Variants in IL1RN observed in about 807,000 individuals in gnomAD.
IL1RN encodes interleukin-1 receptor antagonist protein.
IL1RN carries 10 observed loss-of-function variants against 13.7 expected under a neutral mutation model. That is an observed-to-expected ratio of 0.73 (90% confidence interval 0.45 to 1.24). The LOEUF (loss-of-function observed/expected upper bound fraction) is 1.24, where lower values mean the gene tolerates loss of function less well. Among genes scored for constraint, IL1RN ranks in the 50% most tolerant of loss-of-function variants. The pLI is 0.00. For missense variants in IL1RN, 213 were observed against 222.1 expected, an observed-to-expected ratio of 0.96 and a Z score of 0.26; for synonymous variants, 102 against 82.7, an observed-to-expected ratio of 1.23 and a Z score of -1.27.
chr2:113,126,956 A>AG (rs1686982500), upstream of IL1RN, among the ~76,000 whole-genome samples: 1 of 152,238 alleles, frequency 6.6e-6, no homozygotes, highest in Admixed American at 6.5e-5. Flanking sequence ...ACTTTACATC[A>AG]GGGGTCAGCA....
upstream of IL1RN, among the ~76,000 whole-genome samples, chr2:113,117,207 G>A (rs1573283064): frequency 2.0e-5 from 3 of 152,200 alleles, no homozygotes; most frequent in Admixed American, 6.5e-5. Flanking sequence ...ACAATGTCAC[G>A]GCAGAGGCCA....
At chr2:113,129,432 G>A (rs373384552) in intron 1 of IL1RN, 144 bp from the exon 2 acceptor site, 1 of 706,094 alleles carries the variant, frequency 1.4e-6, no homozygotes, top group Non-Finnish European at 2.6e-6. Flanking sequence ...TCTCATCCAT[G>A]CATGCCGTGG....
At chr2:113,118,021 G>T in exon 1 of IL1RN, 1 of 1,596,068 alleles carries the variant, frequency 6.3e-7, no homozygotes, top group Admixed American at 1.7e-5. Context: ...CCCTCCCCAT[G>T]GCTTTAGGTA....
chr2:113,118,546 G>A (rs139019207), intron 1 of IL1RN, among the ~76,000 whole-genome samples: 50 of 152,226 alleles, frequency 3.3e-4, no homozygotes, highest in South Asian at 1.0e-3. Flanking sequence ...AGAACTTCTC[G>A]CTTTTCCAGA....
chr2:113,117,966 G>C, exon 1 of IL1RN: 1 of 1,078,388 alleles, frequency 9.3e-7, no homozygotes, highest in Non-Finnish European at 1.4e-6. Flanking sequence ...CAGCTCAGTT[G>C]AGTTAGAGTC....
the IL1RN span, among the ~76,000 whole-genome samples, chr2:113,100,951 A>C: frequency 6.6e-6 from 1 of 152,248 alleles, no homozygotes; most frequent in African/African-American, 2.4e-5. Flanking sequence ...GTTAATTAAC[A>C]TGTATATTTC....
At chr2:113,121,719 G>A (rs76570325) in intron 2 of IL1RN, 1 of 630,988 alleles carries the variant, frequency 1.6e-6, no homozygotes, top group East Asian at 1.4e-4. Context: ...GGAGAGCAGA[G>A]GTGGTCACCC....
At chr2:113,129,851 G>T (rs1371049056) in intron 2 of IL1RN, 187 bp downstream of exon 2, 2 of 607,572 alleles carry the variant, frequency 3.3e-6, no homozygotes, top group Non-Finnish European at 6.1e-6. Flanking sequence ...AGCCTGAAGA[G>T]GGTGTGGAGA....
In IL1RN at chr2:113,133,072, G is replaced by A; in HGVS notation, c.*201G>A. The A allele has an allele frequency of 1.5e-6, 1 of 647,530 alleles. No individual in the cohort carries two copies. 40.1% of individuals were successfully genotyped at this position (647,530 alleles called of 1,614,324 possible). A position where few individuals can be genotyped will look rare whatever the true frequency, so the allele number is the denominator to read the frequency against. On this transcript the variant is annotated 3_prime_UTR_variant, in exon 4 of 4. Transcript: ENST00000409930. ...CAGCCTCCATGCTGCCTCCAGAATG[G>A]TCTTTCTAATGTGTGAATCAGAGCA...
intron 3 of IL1RN, among the ~76,000 whole-genome samples, chr2:113,132,323 C>G (rs943144366): frequency 6.6e-6 from 1 of 152,154 alleles, no homozygotes; most frequent in African/African-American, 2.4e-5. Context: ...TGGTGCATGC[C>G]TGTAATCCCA....
At chr2:113,121,516 T>C (rs977059565) in intron 2 of IL1RN, 291 of 985,300 alleles carry the variant, frequency 3.0e-4, no homozygotes, top group Non-Finnish European at 3.3e-4. Flanking sequence ...AAACACAAGA[T>C]AACTGCATAA....
upstream of IL1RN, among the ~76,000 whole-genome samples, chr2:113,125,987 G>T (rs1314040364): frequency 6.6e-6 from 1 of 152,024 alleles, no homozygotes; most frequent in Admixed American, 6.6e-5. Flanking sequence ...CAGTAGAGAC[G>T]GAGTTTCACC....
intron 1 of IL1RN, among the ~76,000 whole-genome samples, chr2:113,111,639 G>T (rs1204876404): frequency 6.6e-6 from 1 of 152,204 alleles, no homozygotes; most frequent in East Asian, 1.9e-4. Flanking sequence ...CCTTGCCAGT[G>T]CCACCCTACC....
upstream of IL1RN, among the ~76,000 whole-genome samples, chr2:113,116,602 G>A (rs1686599828): frequency 1.3e-5 from 2 of 152,160 alleles, no homozygotes; most frequent in African/African-American, 2.4e-5. Context: ...GGTCTGCAGG[G>A]TTAGAGGAAA....
upstream of IL1RN, among the ~76,000 whole-genome samples, chr2:113,102,695 A>G (rs1300046056): frequency 6.6e-6 from 1 of 151,386 alleles, no homozygotes; most frequent in African/African-American, 2.4e-5. Flanking sequence ...ATTACAGTCA[A>G]AGGGGGTTTC....
At chr2:113,123,990 C>T (rs772540803), upstream of IL1RN, among the ~76,000 whole-genome samples, 4 of 152,184 alleles carry the variant, frequency 2.6e-5, no homozygotes, top group Admixed American at 6.5e-5. Context: ...AGATGTGTCC[C>T]CTTACAGCAG....
At chr2:113,113,707 G>A (rs1016128179), upstream of IL1RN, among the ~76,000 whole-genome samples, 1 of 152,190 alleles carries the variant, frequency 6.6e-6, no homozygotes, top group Non-Finnish European at 1.5e-5. Context: ...TAATTGAGAT[G>A]TAAATATTAA....
At chr2:113,119,369 G>T (rs1686691067) in intron 1 of IL1RN, among the ~76,000 whole-genome samples, 1 of 152,198 alleles carries the variant, frequency 6.6e-6, no homozygotes, top group Non-Finnish European at 1.5e-5. Context: ...TTTGCCCATG[G>T]CCAGACAGCT....
upstream of IL1RN, among the ~76,000 whole-genome samples, chr2:113,123,989 C>T (rs182261679): frequency 6.6e-6 from 1 of 152,104 alleles, no homozygotes; most frequent in East Asian, 1.9e-4. Flanking sequence ...AAGATGTGTC[C>T]CCTTACAGCA....
Sources: gnomAD v4.1 joint callset for allele counts (sites outside exome capture counted in the v4.1 genomes callset) on GRCh38, gnomAD v4.1.1 for gene constraint, MANE v1.5 for transcripts, NCBI Gene and HGNC (gene_info 2026-07-23, HGNC 2026-07-21) for gene names.